The following HSD17B12 variants were observed in gnomAD, a reference collection of about 807,000 sequenced individuals.
The protein encoded by HSD17B12 is hydroxysteroid 17-beta dehydrogenase 12, also known as very-long-chain 3-oxoacyl-CoA reductase.
A neutral mutation model predicts 39.3 loss-of-function variants in HSD17B12; 32 were observed. That is an observed-to-expected ratio of 0.81 (90% confidence interval 0.61 to 1.09). The LOEUF (loss-of-function observed/expected upper bound fraction) is 1.09, where lower values mean the gene tolerates loss of function less well. Among genes scored for constraint, HSD17B12 ranks in the 50% least tolerant of loss-of-function variants. The probability of loss-of-function intolerance (pLI) is 0.00; values close to 1 mark genes in which losing one functional copy is unlikely to be tolerated. For synonymous variants in HSD17B12, 150 were observed against 146.7 expected, an observed-to-expected ratio of 1.02 and a Z score of -0.16; for missense variants, 342 against 382.9, an observed-to-expected ratio of 0.89 and a Z score of 0.89.
In HSD17B12 at chr11:43,810,367, T is replaced by TTATATATATATATATATATATATA. The variant is rs59970877; in HGVS notation, c.392-5057_392-5034dup. Among the ~76,000 whole-genome samples the TTATATATATATATATATATATATA allele has an allele frequency of 9.2e-4, 55 of 59,530 alleles. 1 individual carries two copies. Among genetic ancestry groups the TTATATATATATATATATATATATA allele is most frequent in the East Asian group, 5.4e-3 (5 of 922 alleles). 39.1% of individuals were successfully genotyped at this position (59,530 alleles called of 152,430 possible). On this transcript the variant is annotated intron_variant, in intron 4 of 10. Transcript: ENST00000278353. ...ATTTTAAAGCAGTATAATTTAGAAA[T>TTATATATATATATATATATATATA]TATATATATATATATATATATATAT...
intron 3 of HSD17B12, among the ~76,000 whole-genome samples, chr11:43,783,887 C>T (rs1233280443): frequency 6.6e-6 from 1 of 152,122 alleles, no homozygotes; most frequent in South Asian, 2.1e-4. Context: ...CATGTTAACA[C>T]TACACATTTT....
chr11:43,809,526 C>A (rs144122259), intron 4 of HSD17B12, among the ~76,000 whole-genome samples: 1 of 152,186 alleles, frequency 6.6e-6, no homozygotes, highest in African/African-American at 2.4e-5. Context: ...TTTTTAAAAT[C>A]TCCTTTTATT....
chr11:43,776,425 G>T (rs1163819641), intron 3 of HSD17B12, among the ~76,000 whole-genome samples: 2 of 152,006 alleles, frequency 1.3e-5, no homozygotes, highest in Admixed American at 6.6e-5. Flanking sequence ...GTCTGTTCAT[G>T]TCCTTCGCCC....
At chr11:43,841,380 A>G (rs1401652826) in intron 9 of HSD17B12, among the ~76,000 whole-genome samples, 1 of 152,110 alleles carries the variant, frequency 6.6e-6, no homozygotes, top group East Asian at 1.9e-4. Flanking sequence ...TTATTCACAA[A>G]AGTTTTTAAT....
At chr11:43,652,030 A>C in the HSD17B12 span, among the ~76,000 whole-genome samples, 1 of 152,214 alleles carries the variant, frequency 6.6e-6, no homozygotes, top group Non-Finnish European at 1.5e-5. Context: ...CGTGGATTGG[A>C]AGACTCAATG....
At chr11:43,694,396 ATGTTG>A (rs1949890925) in intron 1 of HSD17B12, among the ~76,000 whole-genome samples, 1 of 152,134 alleles carries the variant, frequency 6.6e-6, no homozygotes. Context: ...AATTTCTCAA[ATGTTG>A]CTTCAAAGTG....
At chr11:43,749,797 A>G (rs1022531906) in intron 1 of HSD17B12, among the ~76,000 whole-genome samples, 1 of 152,122 alleles carries the variant, frequency 6.6e-6, no homozygotes, top group African/African-American at 2.4e-5. Flanking sequence ...AGAAGTGAAT[A>G]CAAGAAAATC....
At chr11:43,642,418 G>GTTTTTA in the HSD17B12 span, among the ~76,000 whole-genome samples, 2 of 151,384 alleles carry the variant, frequency 1.3e-5, no homozygotes, top group Non-Finnish European at 3.0e-5. Context: ...TAATATATCA[G>GTTTTTA]TTTTTACCTC....
At chr11:43,824,402 C>T (rs756018592) in intron 6 of HSD17B12, among the ~76,000 whole-genome samples, 6 of 152,250 alleles carry the variant, frequency 3.9e-5, no homozygotes, top group Middle Eastern at 3.4e-3. Context: ...AACAAAATAC[C>T]TTAGATTGGG....
the HSD17B12 span, chr11:43,646,290 A>G: frequency 6.6e-6 from 1 of 152,218 alleles, no homozygotes; most frequent in African/African-American, 2.4e-5. Context: ...TCAGGAAAGT[A>G]TTTCCTTCCC....
At chr11:43,818,200 T>C (rs1951148302) in intron 6 of HSD17B12, among the ~76,000 whole-genome samples, 1 of 152,200 alleles carries the variant, frequency 6.6e-6, no homozygotes, top group South Asian at 2.1e-4. Flanking sequence ...CCATGATTCT[T>C]TTCAGTTGAG....
chr11:43,642,820 G>A, the HSD17B12 span, among the ~76,000 whole-genome samples: 3 of 151,640 alleles, frequency 2.0e-5, no homozygotes, highest in African/African-American at 7.3e-5. Flanking sequence ...TAATTGTTTA[G>A]GAAACTACAT....
Position 43,788,632 on chromosome 11 carries a change from G to A in HSD17B12, c.284-9688G>A, listed in dbSNP as rs551963171. On this transcript the variant is annotated intron_variant, in intron 3 of 10. Transcript: ENST00000278353. The stretch of plus-strand genomic sequence containing the variant: ...CTTTGTTCTCTGCCTGCCACCTGTC[G>A]CTTTTTATAACAAGCTGTGTATCTT... Among the ~76,000 whole-genome samples the A allele has an allele frequency of 1.1e-4, 15 of 139,184 alleles. No homozygotes were observed. In the South Asian group the frequency reaches 1.6e-3, roughly 14 times the overall value. 91.3% of individuals were successfully genotyped at this position (139,184 alleles called of 152,430 possible).
At chr11:43,558,326 C>T in the HSD17B12 span, among the ~76,000 whole-genome samples, 4 of 152,142 alleles carry the variant, frequency 2.6e-5, no homozygotes, top group Admixed American at 6.5e-5. Context: ...CTCCCTCCCC[C>T]GCGTCTTTCA....
At chr11:43,660,416 T>C in the HSD17B12 span, among the ~76,000 whole-genome samples, 1 of 152,098 alleles carries the variant, frequency 6.6e-6, no homozygotes, top group African/African-American at 2.4e-5. Context: ...TGTTTAAACA[T>C]GAAAAGATGC....
chr11:43,742,139 A>ATATATTT (rs61178234), intron 1 of HSD17B12, among the ~76,000 whole-genome samples: 16 of 123,500 alleles, frequency 1.3e-4, no homozygotes, highest in African/African-American at 1.8e-4. Flanking sequence ...ATATATATAT[A>ATATATTT]TTTTTTTTTT....
chr11:43,582,267 G>A, the HSD17B12 span, among the ~76,000 whole-genome samples: 1 of 152,230 alleles, frequency 6.6e-6, no homozygotes, highest in Admixed American at 6.5e-5. Context: ...CGCTTAGCAG[G>A]AACAGAAGCA....
chr11:43,624,457 C>G, the HSD17B12 span, among the ~76,000 whole-genome samples: 1 of 151,770 alleles, frequency 6.6e-6, no homozygotes. Flanking sequence ...ACTCATTAAG[C>G]TATCTGTAAA....
intron 3 of HSD17B12, among the ~76,000 whole-genome samples, chr11:43,778,514 C>T (rs545750031): frequency 0.035 from 5,310 of 150,926 alleles, 209 homozygotes; most frequent in African/African-American, 0.12. Context: ...ATACCAAAGC[C>T]GGGCAGAGAC....
Sources: gnomAD v4.1 joint callset for allele counts (sites outside exome capture counted in the v4.1 genomes callset) on GRCh38, gnomAD v4.1.1 for gene constraint, MANE v1.5 for transcripts, NCBI Gene and HGNC (gene_info 2026-07-23, HGNC 2026-07-21) for gene names.